NALF1: variants seen among roughly 807,000 people sequenced by gnomAD.
NALF1 encodes the protein NALCN channel auxiliary factor 1, also known as family with sequence similarity 155 member A.
Under a neutral mutation model 48.4 loss-of-function variants are expected in NALF1, and 3 were observed. The ratio of observed to expected loss-of-function variants is 0.06; its 90% confidence interval spans 0.03 to 0.16. NALF1 has a LOEUF of 0.16. Among genes scored for constraint, NALF1 ranks in the 10% least tolerant of loss-of-function variants. The pLI, the probability that NALF1 is intolerant of heterozygous loss-of-function variation, is 1.00. For missense variants in NALF1, 526 were observed against 571.5 expected, an observed-to-expected ratio of 0.92 and a Z score of 0.81; for synonymous variants, 262 against 245.7, an observed-to-expected ratio of 1.07 and a Z score of -0.62.
At chr13:107,444,361 T>C (rs1389596867) in intron 1 of NALF1, among the ~76,000 whole-genome samples, 2 of 152,220 alleles carry the variant, frequency 1.3e-5, no homozygotes, top group African/African-American at 4.8e-5. Flanking sequence ...TGTAATTTAA[T>C]GTGGCAAATT....
At chr13:107,596,677 G>T (rs913639344) in intron 1 of NALF1, among the ~76,000 whole-genome samples, 1 of 152,008 alleles carries the variant, frequency 6.6e-6, no homozygotes, top group Non-Finnish European at 1.5e-5. Flanking sequence ...TGTTGAGGGG[G>T]GTGGGGGACT....
At chr13:107,582,681 T>C (rs1322917065) in intron 1 of NALF1, among the ~76,000 whole-genome samples, 1 of 152,170 alleles carries the variant, frequency 6.6e-6, no homozygotes, top group African/African-American at 2.4e-5. Flanking sequence ...ATTTTGAAAA[T>C]ATATACATGA....
At chr13:107,224,567 G>A (rs1051612724) in intron 1 of NALF1, among the ~76,000 whole-genome samples, 1 of 151,890 alleles carries the variant, frequency 6.6e-6, no homozygotes, top group Non-Finnish European at 1.5e-5. Flanking sequence ...TATGTCCGTA[G>A]CAATGTCTTA....
chr13:107,505,954 T>C (rs1379388481), intron 1 of NALF1, among the ~76,000 whole-genome samples: 1 of 152,174 alleles, frequency 6.6e-6, no homozygotes, highest in African/African-American at 2.4e-5. Flanking sequence ...TGCAAGTAGA[T>C]AGTATAAAAT....
intron 1 of NALF1, among the ~76,000 whole-genome samples, chr13:107,550,224 A>G (rs989105872): frequency 6.6e-5 from 10 of 152,014 alleles, no homozygotes; most frequent in Admixed American, 2.6e-4. Flanking sequence ...CCTCCTGGTT[A>G]ATTTCCAGTT....
chr13:107,382,501 T>C (rs1329848151), intron 1 of NALF1, among the ~76,000 whole-genome samples: 4 of 152,260 alleles, frequency 2.6e-5, no homozygotes, highest in African/African-American at 9.6e-5. Context: ...CTTCTCCTAA[T>C]GTTAACATTT....
chr13:107,594,929 G>C (rs1878699654), intron 1 of NALF1, among the ~76,000 whole-genome samples: 1 of 151,738 alleles, frequency 6.6e-6, no homozygotes, highest in Admixed American at 6.6e-5. Flanking sequence ...GAAAATTTTG[G>C]CAAAATATTT....
chr13:107,569,257 C>G (rs1172965599), intron 1 of NALF1, among the ~76,000 whole-genome samples: 1 of 151,992 alleles, frequency 6.6e-6, no homozygotes, highest in Non-Finnish European at 1.5e-5. Flanking sequence ...ATCACGAGGT[C>G]AGGAGATTGA....
At chr13:107,240,759 T>G (rs1371070572) in intron 1 of NALF1, among the ~76,000 whole-genome samples, 2 of 152,066 alleles carry the variant, frequency 1.3e-5, no homozygotes, top group Non-Finnish European at 2.9e-5. Flanking sequence ...AATTTTTAAG[T>G]GTTTACATTA....
chr13:107,703,366 T>C (rs931574234), intron 1 of NALF1, among the ~76,000 whole-genome samples: 2 of 4,406 alleles, frequency 4.5e-4, no homozygotes, highest in Non-Finnish European at 2.1e-3. Context: ...TTGCTTAGTT[T>C]TTTTTTTTTT....
At chr13:107,205,830 T>A (rs907348309) in intron 2 of NALF1, among the ~76,000 whole-genome samples, 1 of 151,978 alleles carries the variant, frequency 6.6e-6, no homozygotes, top group Non-Finnish European at 1.5e-5. Flanking sequence ...CCACAGCCTG[T>A]GCTCCTCTGC....
At chr13:107,243,360 G>T (rs893773127) in intron 1 of NALF1, among the ~76,000 whole-genome samples, 20 of 152,070 alleles carry the variant, frequency 1.3e-4, no homozygotes, top group African/African-American at 4.6e-4. Flanking sequence ...CCCTGCCCTG[G>T]GCCACGCAGG....
At chr13:107,421,601 A>T (rs1358438812) in intron 1 of NALF1, among the ~76,000 whole-genome samples, 1 of 152,106 alleles carries the variant, frequency 6.6e-6, no homozygotes, top group Non-Finnish European at 1.5e-5. Context: ...TTATCACAAC[A>T]TAAACATAGA....
intron 1 of NALF1, among the ~76,000 whole-genome samples, chr13:107,749,809 GGTTTGTTTGTTT>G (rs71121552): frequency 5.3e-5 from 8 of 151,002 alleles, no homozygotes; most frequent in Non-Finnish European, 7.4e-5. Context: ...TTGTTGTGGT[GGTTTGTTTGTTT>G]GTTTGTTTGT....
At chr13:107,694,147 G>A (rs182658826) in intron 1 of NALF1, among the ~76,000 whole-genome samples, 349 of 152,228 alleles carry the variant, frequency 2.3e-3, no homozygotes, top group African/African-American at 8.0e-3. Context: ...ACGGATGAGG[G>A]GTTTTACAAA....
rs568091185 is a variant in NALF1, at chr13:107,806,016, T to C, written c.915+59666A>G. 1.1e-4 allele frequency among the ~76,000 whole-genome samples: 16 copies of C among 152,326 alleles called. No individual in the cohort carries two copies. The East Asian group carries it at 2.1e-3, about 20-fold the overall frequency. On this transcript the variant is annotated intron_variant, in intron 1 of 2. Transcript: ENST00000375915. ...TTCTAAATAAGATTTTGTAGAATTA[T>C]ATAGAAAGAAACGAAGAAAGATTCA...
At chr13:107,655,696 A>G (rs1880557471) in intron 1 of NALF1, among the ~76,000 whole-genome samples, 1 of 152,074 alleles carries the variant, frequency 6.6e-6, no homozygotes, top group South Asian at 2.1e-4. Context: ...AACAGCCTAC[A>G]TAACCAAAGC....
At position 107,714,135 on chromosome 13, in the gene NALF1, G is replaced by C. The variant is rs370022714; in HGVS notation, c.915+151547C>G. The stretch of plus-strand genomic sequence containing the variant: ...AATCAAAATTCAAAAACTTTCACTT[G>C]TATGTTATCAAAGAAAGAAGCTCTT... On this transcript the variant is annotated intron_variant, in intron 1 of 2. Transcript: ENST00000375915. Among the ~76,000 whole-genome samples, 3 of 152,282 alleles carry C rather than the reference G, an allele frequency of 2.0e-5. No homozygotes were observed. The East Asian group carries it at 5.8e-4, about 29-fold the overall frequency.
rs938992742 is a variant in NALF1 at position 107,536,628 on chromosome 13, G to A, written c.916-325873C>T. Reference sequence around the variant, plus strand: ...AAATAGGAACACTTTTACACTGTTGGTGGGACTGTAAACTGGTTCAACCAT... The same window carrying A: ...AAATAGGAACACTTTTACACTGTTGATGGGACTGTAAACTGGTTCAACCAT... On this transcript the variant is annotated intron_variant, in intron 1 of 2. Transcript: ENST00000375915. Among the ~76,000 whole-genome samples the A allele has an allele frequency of 3.5e-3, 528 of 152,298 alleles. 3 individuals carry two copies. The highest frequency in any genetic ancestry group is 0.012 in the African/African-American group (507 of 41,566).
Sources: allele counts gnomAD v4.1 joint callset (sites outside exome capture counted in the v4.1 genomes callset), GRCh38; gene constraint gnomAD v4.1.1; transcripts MANE v1.5; gene names NCBI Gene and HGNC (gene_info 2026-07-23, HGNC 2026-07-21).